The following SGCZ variants were observed in gnomAD, a reference collection of about 807,000 sequenced individuals.
The protein encoded by SGCZ is sarcoglycan zeta, also known as zeta-sarcoglycan.
Under a neutral mutation model 41.3 loss-of-function variants are expected in SGCZ, and 40 were observed. The ratio of observed to expected loss-of-function variants is 0.97; its 90% CI spans 0.75 to 1.26. The LOEUF (loss-of-function observed/expected upper bound fraction) is 1.26. Among genes scored for constraint, SGCZ ranks in the 50% most tolerant of loss-of-function variants. The pLI is 0.00. For synonymous variants in SGCZ, 206 were observed against 137.5 expected, an observed-to-expected ratio of 1.50 and a Z score of -3.49; for missense variants, 552 against 369.8, an observed-to-expected ratio of 1.49 and a Z score of -4.04.
intron 1 of SGCZ, among the ~76,000 whole-genome samples, chr8:14,858,770 G>C (rs1193651735): frequency 6.6e-6 from 1 of 152,058 alleles, no homozygotes; most frequent in Non-Finnish European, 1.5e-5. Context: ...AATTTTCTAA[G>C]TAGTGACACA....
chr8:14,871,382 T>A (rs576520038), intron 1 of SGCZ, among the ~76,000 whole-genome samples: 80 of 152,310 alleles, frequency 5.3e-4, no homozygotes, highest in African/African-American at 1.9e-3. Flanking sequence ...ATCCCATTAC[T>A]GCGTATATAC....
At chr8:14,364,405 G>A (rs1803628317) in intron 2 of SGCZ, among the ~76,000 whole-genome samples, 1 of 152,100 alleles carries the variant, frequency 6.6e-6, no homozygotes, top group African/African-American at 2.4e-5. Flanking sequence ...CATGGGAAAT[G>A]TATATTCTTT....
chr8:14,953,037 C>G (rs1800688867), intron 1 of SGCZ, among the ~76,000 whole-genome samples: 1 of 152,052 alleles, frequency 6.6e-6, no homozygotes, highest in African/African-American at 2.4e-5. Flanking sequence ...GGTGAATAAG[C>G]ATAGGCATAC....
At chr8:14,134,722 G>T (rs149916085) in intron 5 of SGCZ, among the ~76,000 whole-genome samples, 1 of 152,026 alleles carries the variant, frequency 6.6e-6, no homozygotes, top group South Asian at 2.1e-4. Context: ...ATAGGCTGCC[G>T]CAAAGACTTC....
intron 2 of SGCZ, among the ~76,000 whole-genome samples, chr8:14,492,447 T>C (rs1801867257): frequency 6.6e-6 from 1 of 152,186 alleles, no homozygotes; most frequent in African/African-American, 2.4e-5. Context: ...GAGAATAAAA[T>C]TGGTGAACTG....
chr8:14,598,129 T>A (rs572861721), intron 1 of SGCZ, among the ~76,000 whole-genome samples: 1 of 152,156 alleles, frequency 6.6e-6, no homozygotes, highest in Non-Finnish European at 1.5e-5. Flanking sequence ...GATAAAATGA[T>A]TATTTCTTTA....
intron 4 of SGCZ, among the ~76,000 whole-genome samples, chr8:14,212,079 G>C (rs74585687): frequency 6.6e-6 from 1 of 151,972 alleles, no homozygotes; most frequent in Non-Finnish European, 1.5e-5. Context: ...CTTCTTGATA[G>C]TCAAGAGTCC....
chr8:14,673,396 T>A (rs1808168562), intron 1 of SGCZ, among the ~76,000 whole-genome samples: 1 of 152,070 alleles, frequency 6.6e-6, no homozygotes, highest in Admixed American at 6.6e-5. Context: ...AAGTGGCAGT[T>A]TCACCTGCTC....
intron 5 of SGCZ, among the ~76,000 whole-genome samples, chr8:14,126,252 C>T (rs376567928): frequency 3.9e-5 from 6 of 151,994 alleles, no homozygotes; most frequent in East Asian, 3.9e-4. Context: ...TCTAACATCC[C>T]GAATTTACAA....
At chr8:14,516,827 C>A (rs1273548610) in intron 2 of SGCZ, among the ~76,000 whole-genome samples, 1 of 152,010 alleles carries the variant, frequency 6.6e-6, no homozygotes, top group East Asian at 1.9e-4. Flanking sequence ...TCACTGTTAA[C>A]ATTTTATAAA....
At chr8:14,620,988 G>A (rs971299579) in intron 1 of SGCZ, among the ~76,000 whole-genome samples, 7 of 151,998 alleles carry the variant, frequency 4.6e-5, no homozygotes, top group East Asian at 1.9e-4. Flanking sequence ...ACACATGCAT[G>A]CATATGTTTA....
At chr8:15,128,551 C>A (rs1417347573) in intron 1 of SGCZ, among the ~76,000 whole-genome samples, 1 of 152,204 alleles carries the variant, frequency 6.6e-6, no homozygotes, top group Non-Finnish European at 1.5e-5. Flanking sequence ...GGTGCTCTGA[C>A]ACCAACTGCT....
At chr8:15,096,712 A>T (rs1475013428) in intron 1 of SGCZ, among the ~76,000 whole-genome samples, 1 of 151,976 alleles carries the variant, frequency 6.6e-6, no homozygotes, top group African/African-American at 2.4e-5. Context: ...TTTGAGACAC[A>T]GTCTCGCTCT....
At chr8:15,015,006 C>T (rs1802972220) in intron 1 of SGCZ, among the ~76,000 whole-genome samples, 1 of 152,168 alleles carries the variant, frequency 6.6e-6, no homozygotes, top group Non-Finnish European at 1.5e-5. Context: ...CTTTGGGAGG[C>T]CAAGGCGGGT....
At chr8:14,621,458 A>T (rs2117370838) in intron 1 of SGCZ, among the ~76,000 whole-genome samples, 1 of 152,052 alleles carries the variant, frequency 6.6e-6, no homozygotes, top group East Asian at 1.9e-4. Context: ...TAAAAAATAA[A>T]GATTCCTTGG....
intron 1 of SGCZ, among the ~76,000 whole-genome samples, chr8:14,804,985 C>A: frequency 1.1e-5 from 1 of 91,080 alleles, no homozygotes; most frequent in Admixed American, 1.3e-4. Flanking sequence ...AACTAAGCTT[C>A]ATAAGTGAAG....
intron 1 of SGCZ, among the ~76,000 whole-genome samples, chr8:15,227,164 A>G (rs150249568): frequency 1.2e-4 from 18 of 152,324 alleles, no homozygotes; most frequent in African/African-American, 3.8e-4. Flanking sequence ...AAGTGAAAGT[A>G]GAAACCACAT....
chr8:14,883,830 T>C (rs1804687556), intron 1 of SGCZ, among the ~76,000 whole-genome samples: 1 of 151,532 alleles, frequency 6.6e-6, no homozygotes, highest in African/African-American at 2.4e-5. Context: ...TTGCTGTTGT[T>C]GTTGTTGTTT....
intron 2 of SGCZ, among the ~76,000 whole-genome samples, chr8:14,399,188 T>C (rs1228250467): frequency 2.6e-5 from 4 of 152,130 alleles, no homozygotes; most frequent in South Asian, 2.1e-4. Context: ...TTTCATCAGA[T>C]TATTTTCCTG....
Sources: gnomAD v4.1 joint callset for allele counts (sites outside exome capture counted in the v4.1 genomes callset) on GRCh38, gnomAD v4.1.1 for gene constraint, MANE v1.5 for transcripts, NCBI Gene and HGNC (gene_info 2026-07-23, HGNC 2026-07-21) for gene names.